The following SETBP1 variants were observed in gnomAD, a reference collection of about 807,000 sequenced individuals.
SETBP1 encodes SET binding protein 1, also known as SET-binding protein.
Under a neutral mutation model 101.0 loss-of-function variants are expected in SETBP1, and 9 were observed. The observed-to-expected ratio is 0.09, with a 90% confidence interval of 0.05 to 0.16. The LOEUF is 0.16. SETBP1 is among the 10% of genes least tolerant of loss of function. The pLI, the probability that SETBP1 is intolerant of heterozygous loss-of-function variation, is 1.00. For synonymous variants in SETBP1, 818 were observed against 788.5 expected, an observed-to-expected ratio of 1.04 and a Z score of -0.63; for missense variants, 1,858 against 2,033.8, an observed-to-expected ratio of 0.91 and a Z score of 1.66.
In SETBP1 at chr18:44,892,816, A is replaced by G. The variant is rs554540497; in HGVS notation, c.540+23533A>G. Among the ~76,000 whole-genome samples the G allele has an allele frequency of 3.9e-4, 59 of 152,234 alleles. 1 individual carries two copies. The South Asian group carries it at 0.012, about 31-fold the overall frequency. The stretch of plus-strand genomic sequence containing the variant: ...CCTTAAATCTTCACATCTCCAAGCT[A>G]AACACCTCTCATTTTCTCAACCAAG... On this transcript the variant is annotated intron_variant, in intron 3 of 5. Transcript: ENST00000649279.
Position 45,063,557 on chromosome 18 carries a change from C to A in SETBP1, c.4650C>A (p.Gly1550=), listed in dbSNP as rs1481422891. The A allele has an allele frequency of 1.5e-6, 2 of 1,336,278 alleles. No homozygotes were observed. Among genetic ancestry groups the A allele is most frequent in the South Asian group, 1.3e-5 (1 of 77,698 alleles). The allele number at this position is 1,336,278 out of a possible 1,614,324, so 82.8% of individuals were successfully genotyped here. ...CCCCTCTACCCAAGACCCCCCGAGG[C>A]GGAAAGAGGAAACACAAACCGCAGG... is the stretch of plus-strand genomic sequence containing the variant. The part of the protein sequence containing the change: ...PPPPLPKTPR[G]GKRKHKPQAP... Residue 1550 remains glycine (G), a synonymous_variant, in exon 6 of 6, where the codon GGC becomes GGA. Transcript: ENST00000649279.
At chr18:44,995,599 C>A (rs868796925) in intron 4 of SETBP1, among the ~76,000 whole-genome samples, 163 of 141,304 alleles carry the variant, frequency 1.2e-3, no homozygotes, top group African/African-American at 3.9e-3. Context: ...GATAATTTAA[C>A]ATTTCTGTAT....
chr18:44,776,769 A>G (rs948051244), intron 2 of SETBP1, among the ~76,000 whole-genome samples: 3 of 152,164 alleles, frequency 2.0e-5, no homozygotes, highest in African/African-American at 7.2e-5. Context: ...AGGTGTTCCT[A>G]TGGAGCACAC....
intron 3 of SETBP1, among the ~76,000 whole-genome samples, chr18:44,894,767 C>A (rs777152061): frequency 6.6e-6 from 1 of 151,698 alleles, no homozygotes; most frequent in Non-Finnish European, 1.5e-5. Flanking sequence ...CAACAAAGGA[C>A]CACCAAGAGA....
intron 2 of SETBP1, among the ~76,000 whole-genome samples, chr18:44,813,353 C>A (rs1435092968): frequency 6.6e-6 from 1 of 151,476 alleles, no homozygotes; most frequent in African/African-American, 2.4e-5. Flanking sequence ...TTTTCCCTTT[C>A]CTAAAGGAAA....
chr18:44,758,825 A>G (rs1194997863), intron 2 of SETBP1, among the ~76,000 whole-genome samples: 1 of 152,196 alleles, frequency 6.6e-6, no homozygotes, highest in Non-Finnish European at 1.5e-5. Context: ...GAAATGACGG[A>G]CCTGGATTCC....
At chr18:44,861,768 C>T (rs1333465315) in intron 2 of SETBP1, among the ~76,000 whole-genome samples, 1 of 152,160 alleles carries the variant, frequency 6.6e-6, no homozygotes, top group East Asian at 1.9e-4. Context: ...CCAGTTTCTA[C>T]CAGATTTACC....
chr18:44,930,378 G>C (rs1202894168), intron 3 of SETBP1, among the ~76,000 whole-genome samples: 5 of 152,184 alleles, frequency 3.3e-5, no homozygotes, highest in Admixed American at 1.3e-4. Flanking sequence ...GTTCATCAGG[G>C]ATATTGGTCT....
intron 2 of SETBP1, among the ~76,000 whole-genome samples, chr18:44,727,291 G>T (rs1420765197): frequency 6.6e-6 from 1 of 151,892 alleles, no homozygotes; most frequent in Non-Finnish European, 1.5e-5. Flanking sequence ...ACTTTGGGGT[G>T]AGAGATTAGG....
intron 3 of SETBP1, among the ~76,000 whole-genome samples, chr18:44,891,801 A>G (rs1203438120): frequency 1.3e-5 from 2 of 152,150 alleles, no homozygotes; most frequent in Non-Finnish European, 2.9e-5. Flanking sequence ...GTTTCTGTAT[A>G]ATGGAGGCAT....
At chr18:44,804,565 A>G (rs2071686430) in intron 2 of SETBP1, among the ~76,000 whole-genome samples, 1 of 152,084 alleles carries the variant, frequency 6.6e-6, no homozygotes, top group Non-Finnish European at 1.5e-5. Flanking sequence ...CTCCCTTTTA[A>G]TGGGTACCTT....
chr18:44,921,536 T>C (rs550282499), intron 3 of SETBP1, among the ~76,000 whole-genome samples: 1 of 152,332 alleles, frequency 6.6e-6, no homozygotes, highest in East Asian at 1.9e-4. Context: ...GGGAGACCCA[T>C]AATCAAAAGA....
chr18:45,009,810 G>A (rs1027257419), intron 4 of SETBP1, among the ~76,000 whole-genome samples: 3 of 152,110 alleles, frequency 2.0e-5, no homozygotes, highest in African/African-American at 7.2e-5. Context: ...TCTGGAGCTA[G>A]GACCCCAGAT....
chr18:44,695,921 C>T (rs2144159032), intron 1 of SETBP1, among the ~76,000 whole-genome samples: 1 of 151,314 alleles, frequency 6.6e-6, no homozygotes, highest in East Asian at 1.9e-4. Context: ...ATGAAGGCTC[C>T]TAAGTGGCAG....
chr18:44,872,694 G>C (rs982953338), intron 3 of SETBP1, among the ~76,000 whole-genome samples: 8 of 152,220 alleles, frequency 5.3e-5, no homozygotes, highest in African/African-American at 1.9e-4. Context: ...AGAATGTGCA[G>C]GCTGCTTAAA....
intron 2 of SETBP1, among the ~76,000 whole-genome samples, chr18:44,723,987 T>G (rs2069656567): frequency 6.6e-6 from 1 of 152,186 alleles, no homozygotes; most frequent in Non-Finnish European, 1.5e-5. Flanking sequence ...ACAGAACTAT[T>G]AATTACATGG....
intron 4 of SETBP1, among the ~76,000 whole-genome samples, chr18:44,963,147 C>A (rs1178494332): frequency 6.6e-6 from 1 of 152,170 alleles, no homozygotes; most frequent in Non-Finnish European, 1.5e-5. Context: ...ATCCTCCCAA[C>A]CCCCACTGCC....
intron 2 of SETBP1, among the ~76,000 whole-genome samples, chr18:44,781,448 G>GCT (rs139439080): frequency 0.012 from 1,735 of 142,556 alleles, 29 homozygotes; most frequent in Middle Eastern, 0.058. Context: ...TCTTTGCACC[G>GCT]CTCTCTCTCT....
intron 2 of SETBP1, among the ~76,000 whole-genome samples, chr18:44,741,782 T>C (rs1260904474): frequency 6.6e-6 from 1 of 152,136 alleles, no homozygotes; most frequent in Non-Finnish European, 1.5e-5. Context: ...TGGAATCCGG[T>C]GCCTGCCAAC....
Sources: allele counts gnomAD v4.1 joint callset (sites outside exome capture counted in the v4.1 genomes callset), GRCh38; gene constraint gnomAD v4.1.1; transcripts MANE v1.5; gene names NCBI Gene and HGNC (gene_info 2026-07-23, HGNC 2026-07-21).